The following DENND6B variants were observed in gnomAD, a reference collection of about 807,000 sequenced individuals.
The protein encoded by DENND6B is DENN domain containing 6B.
Under a neutral mutation model 85.1 loss-of-function variants are expected in DENND6B, and 73 were observed. The observed-to-expected ratio is 0.86, with a 90% CI of 0.71 to 1.04. DENND6B has a LOEUF of 1.04. Among genes scored for constraint, DENND6B ranks in the 50% least tolerant of loss-of-function variants. The pLI is 0.00. For missense variants in DENND6B, 715 were observed against 785.8 expected (o/e 0.91, Z 1.08); for synonymous variants, 357 against 329.3 (o/e 1.08, Z -0.91).
In DENND6B at chr22:50,311,150, T is replaced by C. The variant is rs1852368215; in HGVS notation, c.*989A>G. ...CTCCCGGGCACACAGTGCGTGATGCTGAGCAGGGCTTGGCTGTCCGGAGCC... is the reference window on the plus strand; with the variant it reads ...CTCCCGGGCACACAGTGCGTGATGCCGAGCAGGGCTTGGCTGTCCGGAGCC... On this transcript the variant is annotated 3_prime_UTR_variant, in exon 20 of 20. Transcript: ENST00000413817. 6.6e-6 allele frequency: 1 copy of C among 152,134 alleles called. No individual in the cohort carries two copies. Among genetic ancestry groups the C allele is most frequent in the Non-Finnish European group, 1.5e-5 (1 of 68,072 alleles). The allele number at this position is 152,134 out of a possible 1,614,324, so 9.4% of individuals were successfully genotyped here.
intron 9 of DENND6B, 176 bp from the exon 10 acceptor site, chr22:50,315,097 GCTGTGACAATCCAC>G: frequency 2.1e-6 from 2 of 946,480 alleles, no homozygotes; most frequent in Non-Finnish European, 3.1e-6. Context: ...ACGACCCCAA[GCTGTGACAATCCAC>G]CTGTGCTGGG....
At chr22:50,313,332 TGAG>T in intron 16 of DENND6B, 111 bp downstream of exon 16, 5 of 1,386,410 alleles carry the variant, frequency 3.6e-6, no homozygotes, top group Non-Finnish European at 4.8e-6. Flanking sequence ...ATGATGGCCT[TGAG>T]GCCTGTGGCT....
At position 50,318,909 on chromosome 22, in the gene DENND6B, G is replaced by T; in HGVS notation, c.217-20C>A. Reference sequence around the variant, plus strand: ...GCTTTTCTGAAACATATAAAACCCCGGTGAGGGCCGACCCACTCCTGGGTC... The same window carrying T: ...GCTTTTCTGAAACATATAAAACCCCTGTGAGGGCCGACCCACTCCTGGGTC... On this transcript the variant is annotated intron_variant, in intron 2 of 19. Coordinates refer to ENST00000413817, the MANE Select transcript of DENND6B (RefSeq NM_001001794.4). 1.2e-6 allele frequency: 2 copies of T among 1,612,146 alleles called. No homozygotes were observed. The highest frequency in any genetic ancestry group is 1.7e-6 in the Non-Finnish European group (2 of 1,179,296).
At chr22:50,323,220 G>C (rs2042104161) in intron 1 of DENND6B, among the ~76,000 whole-genome samples, 2 of 146,052 alleles carry the variant, frequency 1.4e-5, no homozygotes, top group Admixed American at 1.4e-4. Context: ...GACTCAAGCA[G>C]TTCTCCCACC....
intron 4 of DENND6B, 105 bp from the exon 5 acceptor site, chr22:50,317,478 G>C (rs73439318): frequency 0.037 from 48,774 of 1,306,732 alleles, 2,513 homozygotes; most frequent in African/African-American, 0.23. Context: ...CAGATGGAAG[G>C]CTGGAGAACC....
intron 5 of DENND6B, chr22:50,316,822 C>T (rs1247779725): frequency 1.0e-5 from 12 of 1,153,076 alleles, no homozygotes; most frequent in African/African-American, 3.6e-5. Flanking sequence ...CTGACACTGA[C>T]AGTGTGATGA....
At chr22:50,315,289 G>A (rs544381208) in intron 9 of DENND6B, among the ~76,000 whole-genome samples, 92 of 152,196 alleles carry the variant, frequency 6.0e-4, no homozygotes, top group Admixed American at 4.4e-3. Flanking sequence ...GGCTCCTGCC[G>A]GGCCCAGCAC....
chr22:50,313,297 C>T (rs901935148), intron 16 of DENND6B, 149 bp downstream of exon 16: 3 of 1,226,938 alleles, frequency 2.4e-6, no homozygotes, highest in Admixed American at 2.7e-5. Context: ...CAGCCACCTG[C>T]CCTGTGGCCC....
At position 50,314,465 on chromosome 22, in the gene DENND6B, G is replaced by T. The variant is rs1355159301; in HGVS notation, c.1007C>A (p.Pro336His). Residue 336 changes from proline to histidine, a missense_variant, in exon 12 of 20, where the codon CCT becomes CAT. Physicochemically the swap from Pro to His is moderately conservative, Grantham distance 77. Transcript: ENST00000413817. Reference sequence around the variant, plus strand: ...GTGCTGGAGTGTTTTGATAAAGAAAGGGTTTGTGACTCCCAGGACCACGTT... The same window carrying T: ...GTGCTGGAGTGTTTTGATAAAGAAATGGTTTGTGACTCCCAGGACCACGTT... ...PPNVVLGVTN[P>H]FFIKTLQHWP... The T allele has an allele frequency of 1.3e-6, 2 of 1,563,476 alleles. No homozygotes were observed. Among genetic ancestry groups the T allele is most frequent in the Non-Finnish European group, 1.7e-6 (2 of 1,153,062 alleles).
chr22:50,317,053 CGCGAGGACAGGGTGGGGGGGGGCG>C (rs1569202673), intron 5 of DENND6B: 71 of 184,526 alleles, frequency 3.8e-4, no homozygotes, highest in Non-Finnish European at 1.1e-4. Flanking sequence ...GGCGGGGGGC[CGCGAGGACAGGGTGGGGGGGGGCG>C]GCGAGGACAG....
At chr22:50,319,126 G>C in intron 1 of DENND6B, 123 bp from the exon 2 acceptor site, 5 of 1,538,366 alleles carry the variant, frequency 3.3e-6, no homozygotes, top group Non-Finnish European at 4.4e-6. Flanking sequence ...GCGCAGGTCA[G>C]TGCCCAAGGT....
At chr22:50,323,404 C>T (rs1003059362) in intron 1 of DENND6B, among the ~76,000 whole-genome samples, 1 of 151,560 alleles carries the variant, frequency 6.6e-6, no homozygotes, top group East Asian at 2.0e-4. Context: ...ATTCTCCTAA[C>T]TCAGCCTCCA....
Position 50,311,743 on chromosome 22 carries a change from T to C in DENND6B, c.*396A>G. The C allele has an allele frequency of 4.3e-6, 1 of 232,336 alleles. No homozygotes were observed. The highest frequency in any genetic ancestry group is 8.5e-6 in the Non-Finnish European group (1 of 117,392). 14.4% of individuals were successfully genotyped at this position (232,336 alleles called of 1,614,324 possible). A position where few individuals can be genotyped will look rare whatever the true frequency, so the allele number is the denominator to read the frequency against. The stretch of plus-strand genomic sequence containing the variant: ...TGTCAGGAGAGGGTCCCTCCTGTCC[T>C]GGGCAGCCTGTTGGGCTGAGGGAAG... On this transcript the variant is annotated 3_prime_UTR_variant, in exon 20 of 20. Transcript: ENST00000413817.
rs2068058151 is a variant in DENND6B, at chr22:50,311,381, T to G, written c.*758A>C. 1 of 152,204 alleles carries G rather than the reference T, an allele frequency of 6.6e-6. No homozygotes were observed. The highest frequency in any genetic ancestry group is 1.5e-5 in the Non-Finnish European group (1 of 68,060). 9.4% of individuals were successfully genotyped at this position (152,204 alleles called of 1,614,324 possible). On this transcript the variant is annotated 3_prime_UTR_variant, in exon 20 of 20. Transcript: ENST00000413817. ...AGCCCCTTGGGCTGCATGTGGGGGA[T>G]GGACGGACACACTTGGACAACAGGA... is the stretch of plus-strand genomic sequence containing the variant.
intron 1 of DENND6B, among the ~76,000 whole-genome samples, chr22:50,323,743 T>A (rs990843673): frequency 2.2e-4 from 28 of 124,786 alleles, no homozygotes; most frequent in South Asian, 2.1e-3. Flanking sequence ...TTTTTTTTTT[T>A]AATTTTGTTT....
At position 50,313,101 on chromosome 22, in the gene DENND6B, G is replaced by C. The variant is rs769447051; in HGVS notation, c.1355C>G (p.Pro452Arg). 21 of 1,553,834 alleles carry C rather than the reference G, an allele frequency of 1.4e-5. No homozygotes were observed. The highest frequency in any genetic ancestry group is 7.3e-5 in the East Asian group (3 of 41,212). The change falls in exon 17 of 20, where the codon CCC becomes CGC. Residue 452 changes from proline to arginine, a missense_variant. Physicochemically the swap from Pro to Arg is moderately radical, Grantham distance 103. Coordinates refer to ENST00000413817, the MANE Select transcript of DENND6B (RefSeq NM_001001794.4). The part of the protein sequence containing the change: ...QKSITPWKTP[P>R]QIQPFSQDDF... Reference sequence around the variant, plus strand: ...ATCCTGGCTGAAGGGCTGGATCTGGGGGGGAGTCTGAGAGGGGATGGGTGA... The same window carrying C: ...ATCCTGGCTGAAGGGCTGGATCTGGCGGGGAGTCTGAGAGGGGATGGGTGA...
intron 1 of DENND6B, among the ~76,000 whole-genome samples, chr22:50,320,979 C>T (rs1156288733): frequency 2.0e-5 from 3 of 152,180 alleles, no homozygotes; most frequent in South Asian, 2.1e-4. Flanking sequence ...GGGTTGGCCA[C>T]GCCAAGGTTA....
chr22:50,322,487 C>T (rs183325623), intron 1 of DENND6B, among the ~76,000 whole-genome samples: 25 of 152,188 alleles, frequency 1.6e-4, no homozygotes. Context: ...GAGTTCACTC[C>T]AGAGACCTCT....
At chr22:50,326,568 A>G (rs1023661238) in intron 1 of DENND6B, among the ~76,000 whole-genome samples, 3 of 152,218 alleles carry the variant, frequency 2.0e-5, no homozygotes, top group African/African-American at 7.2e-5. Flanking sequence ...AAATCGAAAG[A>G]GTACCACTTA....
Sources: allele counts gnomAD v4.1 joint callset (sites outside exome capture counted in the v4.1 genomes callset), GRCh38; gene constraint gnomAD v4.1.1; transcripts MANE v1.5; gene names NCBI Gene and HGNC (gene_info 2026-07-23, HGNC 2026-07-21).